ZMYND8: variants seen among roughly 807,000 people sequenced by gnomAD.
ZMYND8 encodes zinc finger MYND-type containing 8, also known as MYND-type zinc finger-containing chromatin reader ZMYND8.
Under a neutral mutation model 140.8 loss-of-function variants are expected in ZMYND8, and 37 were observed. The ratio of observed to expected loss-of-function variants is 0.26; its 90% CI spans 0.20 to 0.35. The LOEUF (loss-of-function observed/expected upper bound fraction) is 0.35, where lower values mean the gene tolerates loss of function less well. Ranked by LOEUF, ZMYND8 falls within the 10% of genes least tolerant of loss-of-function variation. The pLI is 1.00. For synonymous variants in ZMYND8, 592 were observed against 597.1 expected (o/e 0.99, Z 0.12); for missense variants, 1,068 against 1,570.0 (o/e 0.68, Z 5.40).
chr20:47,294,880 A>G (rs780542244), intron 4 of ZMYND8, 101 bp from the exon 5 acceptor site: 3 of 1,082,238 alleles, frequency 2.8e-6, no homozygotes, highest in South Asian at 1.4e-5. Flanking sequence ...ACAAAAAGCA[A>G]TTCTCATCCC....
chr20:47,257,921 A>T (rs2074875128), intron 12 of ZMYND8, among the ~76,000 whole-genome samples: 1 of 152,086 alleles, frequency 6.6e-6, no homozygotes, highest in Non-Finnish European at 1.5e-5. Context: ...GCAGTGATGC[A>T]ATCATAGCTC....
chr20:47,255,722 GTATATATATATATATATATATA>G (rs369654557), intron 12 of ZMYND8, among the ~76,000 whole-genome samples: 26,590 of 77,974 alleles, frequency 0.34, 4,424 homozygotes, highest in Middle Eastern at 0.44. Context: ...GTGTATGTGT[GTATATATATATATATATATATA>G]TATATATATA....
intron 12 of ZMYND8, among the ~76,000 whole-genome samples, chr20:47,258,590 T>C (rs2074928556): frequency 6.6e-6 from 1 of 152,186 alleles, no homozygotes; most frequent in Admixed American, 6.5e-5. Flanking sequence ...CACTCATCTG[T>C]TCCCCATCTC....
chr20:47,248,123 A>C (rs1220044112), intron 13 of ZMYND8, among the ~76,000 whole-genome samples: 2 of 152,198 alleles, frequency 1.3e-5, no homozygotes, highest in African/African-American at 4.8e-5. Context: ...TACTGGTGTG[A>C]CCCTGAACAA....
intron 21 of ZMYND8, among the ~76,000 whole-genome samples, chr20:47,214,516 C>T (rs1053260513): frequency 6.6e-6 from 1 of 152,200 alleles, no homozygotes; most frequent in Non-Finnish European, 1.5e-5. Context: ...GTTTTTGAGA[C>T]ACAGTCTCAC....
intron 18 of ZMYND8, among the ~76,000 whole-genome samples, chr20:47,225,067 A>G (rs2037494839): frequency 6.6e-6 from 1 of 151,894 alleles, no homozygotes; most frequent in Admixed American, 6.5e-5. Context: ...AAACCGAGGC[A>G]AACAGCTAGC....
At position 47,282,065 on chromosome 20, in the gene ZMYND8, G is replaced by A. The variant is rs2076640431; in HGVS notation, c.998+37C>T. ...TCTCATAACAGTATCAAAGTTCAGT[G>A]AAAGCTACATGTTCCAAGCCTGTTA... is the stretch of plus-strand genomic sequence containing the variant. On this transcript the variant is annotated intron_variant, in intron 10 of 22. Coordinates refer to ENST00000471951, the MANE Select transcript of ZMYND8 (RefSeq NM_001281775.3). 5 of 1,556,440 alleles carry A rather than the reference G, an allele frequency of 3.2e-6. No individual in the cohort carries two copies. The East Asian group carries it at 1.1e-4, about 35-fold the overall frequency.
intron 8 of ZMYND8, among the ~76,000 whole-genome samples, chr20:47,284,758 C>T (rs998055486): frequency 2.0e-5 from 3 of 152,020 alleles, no homozygotes; most frequent in Non-Finnish European, 1.5e-5. Context: ...AAGTACATTC[C>T]CCTAGAATAA....
chr20:47,261,796 G>A (rs549229622), intron 12 of ZMYND8, among the ~76,000 whole-genome samples: 2 of 152,268 alleles, frequency 1.3e-5, no homozygotes, highest in Admixed American at 1.3e-4. Context: ...TTTGGGCCAG[G>A]CATGGTGGTT....
At chr20:47,226,553 G>A (rs1023355530) in intron 18 of ZMYND8, among the ~76,000 whole-genome samples, 2 of 152,198 alleles carry the variant, frequency 1.3e-5, no homozygotes, top group African/African-American at 4.8e-5. Flanking sequence ...ACAGGGTGAA[G>A]AGTGCCCAGA....
In ZMYND8 at chr20:47,209,753, G is replaced by C. The variant is rs1441309312; in HGVS notation, c.*1008C>G. ...TACGTAGTGTACGGACAGCATGACGGGCCTTGCTTTCTCTCATACTGCCTG... is the reference window on the plus strand; with the variant it reads ...TACGTAGTGTACGGACAGCATGACGCGCCTTGCTTTCTCTCATACTGCCTG... On this transcript the variant is annotated 3_prime_UTR_variant, in exon 23 of 23. Transcript: ENST00000471951. 1 of 152,596 alleles carries C rather than the reference G, an allele frequency of 6.6e-6. No homozygotes were observed. The highest frequency in any genetic ancestry group is 6.5e-5 in the Admixed American group (1 of 15,278). The allele number at this position is 152,596 out of a possible 1,614,324, so 9.5% of individuals were successfully genotyped here. A position where few individuals can be genotyped will look rare whatever the true frequency, so the allele number is the denominator to read the frequency against.
In ZMYND8 at chr20:47,238,814, T is replaced by C; in HGVS notation, c.2609A>G (p.Gln870Arg). The C allele has an allele frequency of 6.2e-7, 1 of 1,613,148 alleles. No homozygotes were observed. The change falls in exon 15 of 23, where the codon CAG becomes CGG. Residue 870 changes from glutamine (Q) to arginine (R), a missense_variant. Gln to Arg is a conservative substitution (Grantham distance 43). Transcript: ENST00000471951. ...CCCCTGGGAAGACTGAGGCTGCTGC[T>C]GCTGGTTTTGCTGCTGCTGCTGCTG... ...QQQQQQQQNQ[Q>R]QQPQSSQGTR...
intron 1 of ZMYND8, among the ~76,000 whole-genome samples, chr20:47,354,851 A>C (rs2083089728): frequency 6.6e-6 from 1 of 152,206 alleles, no homozygotes; most frequent in South Asian, 2.1e-4. Flanking sequence ...TAAGTGGTCA[A>C]GGGAAATGTA....
intron 12 of ZMYND8, 95 bp downstream of exon 12, chr20:47,262,193 T>G (rs1167399675): frequency 3.2e-6 from 5 of 1,554,312 alleles, no homozygotes. Context: ...GAGAAAAGAG[T>G]TGAAGGTTCA....
chr20:47,216,701 G>A (rs1009796331), intron 21 of ZMYND8, among the ~76,000 whole-genome samples: 33 of 151,912 alleles, frequency 2.2e-4, no homozygotes, highest in African/African-American at 7.7e-4. Flanking sequence ...CAGCTACTCG[G>A]GAGGCTGAGG....
At chr20:47,291,725 G>T (rs2077276528) in intron 6 of ZMYND8, 71 bp downstream of exon 6, 8 of 1,199,478 alleles carry the variant, frequency 6.7e-6, no homozygotes, top group Non-Finnish European at 9.4e-6. Flanking sequence ...ATAGAGCATA[G>T]GCAGTGAGGG....
intron 2 of ZMYND8, chr20:47,318,723 C>A (rs1286973813): frequency 4.3e-6 from 2 of 460,504 alleles, no homozygotes; most frequent in Non-Finnish European, 8.7e-6. Flanking sequence ...CCGGGCTGAG[C>A]CCTCTCCTCC....
At chr20:47,236,251 T>TC (rs958450630) in intron 16 of ZMYND8, 75 bp downstream of exon 16, 6 of 1,581,446 alleles carry the variant, frequency 3.8e-6, no homozygotes, top group Non-Finnish European at 4.3e-6. Flanking sequence ...CGCTCACGCT[T>TC]CCCCTCGGGA....
In ZMYND8 at chr20:47,291,862, T is replaced by C. The variant is rs771007734; in HGVS notation, c.594A>G (p.Pro198=). Residue 198 remains proline, a synonymous_variant, in exon 6 of 23, where the codon CCA becomes CCG. Coordinates refer to ENST00000471951, the MANE Select transcript of ZMYND8 (RefSeq NM_001281775.3). ...CCGCATAGTCAGGGTGCTGTTCCAA[T>C]GGAACGGGCTTCTGGAATGCATCTG... ...PGTDAFQKPV[P]LEQHPDYAEY... 6.1e-5 allele frequency: 99 copies of C among 1,613,046 alleles called. 1 individual carries two copies. The highest frequency in any genetic ancestry group is 7.9e-5 in the Non-Finnish European group (93 of 1,179,586).
Sources: allele counts gnomAD v4.1 joint callset (sites outside exome capture counted in the v4.1 genomes callset), GRCh38; gene constraint gnomAD v4.1.1; transcripts MANE v1.5; gene names NCBI Gene and HGNC (gene_info 2026-07-23, HGNC 2026-07-21).